RABGAP1L: variants seen among roughly 807,000 people sequenced by gnomAD.
RABGAP1L encodes the protein RAB GTPase activating protein 1 like.
A neutral mutation model predicts 137.7 loss-of-function variants in RABGAP1L; 63 were observed. The observed-to-expected ratio is 0.46, with a 90% confidence interval of 0.37 to 0.56. The LOEUF is 0.56. Among genes scored for constraint, RABGAP1L ranks in the 20% least tolerant of loss-of-function variants. The probability of loss-of-function intolerance (pLI) is 0.00; values close to 1 mark genes in which losing one functional copy is unlikely to be tolerated. For synonymous variants in RABGAP1L, 431 were observed against 433.7 expected, an observed-to-expected ratio of 0.99 and a Z score of 0.08; for missense variants, 1,095 against 1,244.0, an observed-to-expected ratio of 0.88 and a Z score of 1.80.
intron 19 of RABGAP1L, among the ~76,000 whole-genome samples, chr1:174,855,173 T>G (rs576609048): frequency 6.6e-6 from 1 of 152,206 alleles, no homozygotes; most frequent in South Asian, 2.1e-4. Context: ...GTGTAGGAAG[T>G]CAAATTACCA....
At chr1:174,617,042 G>C (rs1016615020) in intron 13 of RABGAP1L, among the ~76,000 whole-genome samples, 3 of 152,182 alleles carry the variant, frequency 2.0e-5, no homozygotes, top group African/African-American at 4.8e-5. Context: ...AGTAAGTAGA[G>C]AAGGAGCCAG....
intron 13 of RABGAP1L, among the ~76,000 whole-genome samples, chr1:174,507,372 A>C (rs1488739147): frequency 6.6e-6 from 1 of 152,190 alleles, no homozygotes; most frequent in Non-Finnish European, 1.5e-5. Context: ...ATAATTCACC[A>C]AATACTGTAT....
At chr1:174,665,111 AAAG>A (rs1458875363) in intron 14 of RABGAP1L, among the ~76,000 whole-genome samples, 14 of 152,176 alleles carry the variant, frequency 9.2e-5, no homozygotes, top group African/African-American at 2.4e-4. Context: ...TGCAGATTAA[AAAG>A]AAGAATTGGC....
chr1:174,394,271 A>C, intron 13 of RABGAP1L, 126 bp downstream of exon 13: 2 of 1,093,120 alleles, frequency 1.8e-6, no homozygotes, highest in Non-Finnish European at 2.6e-6. Flanking sequence ...TCGTGAAGTC[A>C]GTACTTCTAC....
intron 13 of RABGAP1L, among the ~76,000 whole-genome samples, chr1:174,584,411 T>A (rs145637268): frequency 6.6e-6 from 1 of 152,164 alleles, no homozygotes; most frequent in East Asian, 1.9e-4. Context: ...TAATTATAAC[T>A]GATAGGGAAA....
In RABGAP1L at chr1:174,350,192, C is replaced by A. The variant is rs1471939545; in HGVS notation, c.1466-20787C>A. Among the ~76,000 whole-genome samples, 15 of 130,446 alleles carry A rather than the reference C, an allele frequency of 1.1e-4. No homozygotes were observed. In the South Asian group the frequency reaches 1.5e-3, roughly 13 times the overall value. 85.6% of individuals were successfully genotyped at this position (130,446 alleles called of 152,430 possible). On this transcript the variant is annotated intron_variant, in intron 11 of 25. Coordinates refer to ENST00000681986, the MANE Select transcript of RABGAP1L (RefSeq NM_001366446.1). ...CGGCTGGCCGGGCGGGGGGCTGACC[C>A]CCCCCCCACCTCCCTCCCGGACGGG...
At position 174,448,725 on chromosome 1, in the gene RABGAP1L, G is replaced by T. The variant is rs757562810; in HGVS notation, c.1710+54580G>T. 2 of 1,613,910 alleles carry T rather than the reference G, an allele frequency of 1.2e-6. No homozygotes were observed. Among genetic ancestry groups the T allele is most frequent in the Non-Finnish European group, 1.7e-6 (2 of 1,179,914 alleles). On this transcript the variant is annotated intron_variant, in intron 13 of 25. Transcript: ENST00000681986. This position sits in a 1 kb window ranked among gnomAD's most constrained non-coding sequence, Gnocchi z 4.2. ...TGGCTCACCAGTGCCTATTTTACTG[G>T]CTTTATTGTTTGTTTACTTTATGCT...
At chr1:174,698,329 C>G (rs559181682) in intron 15 of RABGAP1L, among the ~76,000 whole-genome samples, 228 of 152,150 alleles carry the variant, frequency 1.5e-3, no homozygotes, top group Non-Finnish European at 2.6e-3. Context: ...GACTTTATTC[C>G]CTGTTCAGAT....
In RABGAP1L at chr1:174,681,849, T is replaced by C. The variant is rs769705194; in HGVS notation, c.1825-1673T>C. Among the ~76,000 whole-genome samples, 4 of 152,218 alleles carry C rather than the reference T, an allele frequency of 2.6e-5. No individual in the cohort carries two copies. The East Asian group carries it at 7.7e-4, about 29-fold the overall frequency. ...TTGTCCTAGACAGAGACAATTTTTATACTGACAAAATCAAAATACATTCTA... is the reference window on the plus strand; with the variant it reads ...TTGTCCTAGACAGAGACAATTTTTACACTGACAAAATCAAAATACATTCTA... On this transcript the variant is annotated intron_variant, in intron 14 of 25. Coordinates refer to ENST00000681986, the MANE Select transcript of RABGAP1L (RefSeq NM_001366446.1).
chr1:174,941,530 G>T (rs1470615451), intron 19 of RABGAP1L, among the ~76,000 whole-genome samples: 1 of 152,156 alleles, frequency 6.6e-6, no homozygotes. Context: ...TGCCTGCACA[G>T]TGTCACCCGA....
chr1:174,393,640 C>G (rs1432134004), intron 12 of RABGAP1L, among the ~76,000 whole-genome samples: 1 of 152,184 alleles, frequency 6.6e-6, no homozygotes, highest in Non-Finnish European at 1.5e-5. Flanking sequence ...GCTGTACATT[C>G]ATTTCAGGGA....
At chr1:174,433,399 T>A (rs1652868515) in intron 13 of RABGAP1L, among the ~76,000 whole-genome samples, 1 of 152,256 alleles carries the variant, frequency 6.6e-6, no homozygotes, top group East Asian at 1.9e-4. Context: ...ACACATATTT[T>A]GTGTTTGAGA....
At chr1:174,613,835 CT>C (rs1553212331) in intron 13 of RABGAP1L, among the ~76,000 whole-genome samples, 1 of 152,088 alleles carries the variant, frequency 6.6e-6, no homozygotes, top group Non-Finnish European at 1.5e-5. Flanking sequence ...CTCTTTTGAT[CT>C]TTGTTGGTGT....
At chr1:174,910,843 A>C (rs891387128) in intron 19 of RABGAP1L, among the ~76,000 whole-genome samples, 3 of 152,232 alleles carry the variant, frequency 2.0e-5, no homozygotes, top group African/African-American at 7.2e-5. Context: ...TGCTTAAATC[A>C]TAATTCTATA....
At chr1:174,357,285 C>T (rs1297779994) in intron 11 of RABGAP1L, among the ~76,000 whole-genome samples, 1 of 152,190 alleles carries the variant, frequency 6.6e-6, no homozygotes, top group Admixed American at 6.5e-5. Context: ...TCCTCTTGAT[C>T]AGTCACATCC....
intron 12 of RABGAP1L, among the ~76,000 whole-genome samples, chr1:174,382,989 TG>T (rs1400918068): frequency 2.6e-5 from 4 of 151,174 alleles, no homozygotes; most frequent in African/African-American, 4.9e-5. Flanking sequence ...CCTTTCTGTT[TG>T]TTAGTTTTCC....
chr1:174,176,741 A>AATAAAATAAAATAAAAT (rs1553248316), intron 1 of RABGAP1L, among the ~76,000 whole-genome samples: 46 of 111,796 alleles, frequency 4.1e-4, no homozygotes, highest in African/African-American at 6.8e-4. Context: ...AAAAAAAAAA[A>AATAAAATAAAATAAAAT]AAAAAGGTCA....
At chr1:174,178,408 G>T (rs1288988998) in intron 1 of RABGAP1L, among the ~76,000 whole-genome samples, 3 of 152,164 alleles carry the variant, frequency 2.0e-5, no homozygotes, top group Admixed American at 2.0e-4. Flanking sequence ...TTCAGCCATT[G>T]TGGAAGACAG....
At chr1:174,611,283 G>C (rs1230846949) in intron 13 of RABGAP1L, among the ~76,000 whole-genome samples, 1 of 150,800 alleles carries the variant, frequency 6.6e-6, no homozygotes, top group Non-Finnish European at 1.5e-5. Context: ...TGGCTAGCCA[G>C]TTTTCCCAGC....
Sources: gnomAD v4.1 joint callset for allele counts (sites outside exome capture counted in the v4.1 genomes callset) on GRCh38, gnomAD v4.1.1 for gene constraint, Gnocchi (gnomAD v3.1) non-coding constraint, MANE v1.5 for transcripts, NCBI Gene and HGNC (gene_info 2026-07-23, HGNC 2026-07-21) for gene names.